TMEM232: variants seen among roughly 807,000 people sequenced by gnomAD.
The protein encoded by TMEM232 is transmembrane protein 232.
Under a neutral mutation model 78.8 loss-of-function variants are expected in TMEM232, and 80 were observed. That is an observed-to-expected ratio of 1.01 (90% CI 0.85 to 1.22). The LOEUF (loss-of-function observed/expected upper bound fraction) is 1.22. Ranked by LOEUF, TMEM232 falls within the 50% of genes most tolerant of loss-of-function variation. The pLI, the probability that TMEM232 is intolerant of heterozygous loss-of-function variation, is 0.00. For synonymous variants in TMEM232, 297 were observed against 254.3 expected (o/e 1.17, Z -1.60); for missense variants, 881 against 742.2 (o/e 1.19, Z -2.17).
intron 11 of TMEM232, among the ~76,000 whole-genome samples, chr5:110,534,167 A>G (rs1408998313): frequency 1.3e-5 from 2 of 152,172 alleles, no homozygotes; most frequent in African/African-American, 2.4e-5. Context: ...GAAGGCCACC[A>G]CAGTCATTTC....
chr5:110,487,242 C>T (rs1432653523), intron 12 of TMEM232, among the ~76,000 whole-genome samples: 1 of 151,986 alleles, frequency 6.6e-6, no homozygotes, highest in Admixed American at 6.6e-5. Flanking sequence ...GGTAAATGAT[C>T]ATATCTTCAG....
At chr5:110,702,238 T>C (rs759304426) in intron 1 of TMEM232, among the ~76,000 whole-genome samples, 6 of 152,044 alleles carry the variant, frequency 3.9e-5, no homozygotes, top group Non-Finnish European at 5.9e-5. Flanking sequence ...TTTTTTCTCA[T>C]GAGAGCCACG....
chr5:110,554,298 T>C (rs961970015), intron 11 of TMEM232, among the ~76,000 whole-genome samples: 1 of 152,148 alleles, frequency 6.6e-6, no homozygotes, highest in African/African-American at 2.4e-5. Context: ...AGACTACATC[T>C]TTCTCCTGTG....
intron 12 of TMEM232, among the ~76,000 whole-genome samples, chr5:110,493,177 A>T (rs1177771155): frequency 1.3e-5 from 2 of 151,986 alleles, no homozygotes; most frequent in African/African-American, 4.8e-5. Flanking sequence ...ACTTTTTAAA[A>T]AATTTATTTT....
At chr5:110,526,025 C>CAAAAAAAAAAA (rs758110596) in intron 12 of TMEM232, among the ~76,000 whole-genome samples, 1 of 47,808 alleles carries the variant, frequency 2.1e-5, no homozygotes, top group African/African-American at 8.4e-5. Flanking sequence ...CACCATACAC[C>CAAAAAAAAAAA]AAAAAAAAAA....
chr5:110,565,320 A>C (rs776719576), intron 11 of TMEM232, among the ~76,000 whole-genome samples: 3 of 151,952 alleles, frequency 2.0e-5, no homozygotes, highest in Non-Finnish European at 1.5e-5. Context: ...AAGCCTATGC[A>C]TTAGATACTA....
At chr5:110,729,402 A>C (rs1016885755), upstream of TMEM232, among the ~76,000 whole-genome samples, 2 of 152,144 alleles carry the variant, frequency 1.3e-5, no homozygotes, top group Non-Finnish European at 2.9e-5. Flanking sequence ...ACACCAGGTA[A>C]ATGCTTACTC....
At chr5:110,663,765 GTGTGTGTGTA>G (rs1472593313) in intron 2 of TMEM232, among the ~76,000 whole-genome samples, 123 of 151,524 alleles carry the variant, frequency 8.1e-4, no homozygotes, top group African/African-American at 2.6e-3. Context: ...GTGTGTGTGT[GTGTGTGTGTA>G]TATACAATAT....
chr5:110,478,896 G>C lies in TMEM232; in HGVS notation c.1703+49692C>G, dbSNP rs529077582. On this transcript the variant is annotated intron_variant, in intron 12 of 13. Transcript: ENST00000455884. ...TTGATTATGAGCAGATGGAGAAATT[G>C]ATTTTTTTTTTTTTTTTTTTTTTTG... 3.3e-3 allele frequency among the ~76,000 whole-genome samples: 383 copies of C among 115,588 alleles called. 5 individuals carry two copies. The highest frequency in any genetic ancestry group is 0.015 in the African/African-American group (365 of 23,708). The allele number at this position is 115,588 out of a possible 152,430, so 75.8% of individuals were successfully genotyped here.
At chr5:110,665,684 AGAT>A (rs1315785137) in intron 2 of TMEM232, among the ~76,000 whole-genome samples, 1 of 152,110 alleles carries the variant, frequency 6.6e-6, no homozygotes, top group Admixed American at 6.6e-5. Context: ...TTATAATTCA[AGAT>A]GATATTTGAA....
chr5:110,495,987 T>G (rs1316953968), intron 12 of TMEM232, among the ~76,000 whole-genome samples: 2 of 151,936 alleles, frequency 1.3e-5, no homozygotes, highest in East Asian at 3.9e-4. Flanking sequence ...GCATTATTAT[T>G]ATTACTTTTT....
intron 2 of TMEM232, among the ~76,000 whole-genome samples, chr5:110,406,673 G>A (rs751889975): frequency 1.3e-5 from 2 of 152,004 alleles, no homozygotes; most frequent in Non-Finnish European, 2.9e-5. Context: ...TTAAGTACAT[G>A]AGCAAACCCA....
At chr5:110,620,318 T>G (rs1462642143) in intron 7 of TMEM232, among the ~76,000 whole-genome samples, 1 of 152,186 alleles carries the variant, frequency 6.6e-6, no homozygotes, top group East Asian at 1.9e-4. Flanking sequence ...ACAATATTAC[T>G]CTGAGACCAT....
At chr5:110,518,211 C>T (rs186335214) in intron 12 of TMEM232, among the ~76,000 whole-genome samples, 3 of 151,998 alleles carry the variant, frequency 2.0e-5, no homozygotes, top group South Asian at 2.1e-4. Context: ...GGCTTTTTAT[C>T]ATCATCTGTA....
At chr5:110,534,324 T>C (rs796440706) in intron 11 of TMEM232, among the ~76,000 whole-genome samples, 6 of 152,278 alleles carry the variant, frequency 3.9e-5, no homozygotes, top group African/African-American at 1.4e-4. Flanking sequence ...CAGTCCTCAG[T>C]CTTCAAGAAA....
At chr5:110,661,926 T>A (rs759353262) in intron 2 of TMEM232, among the ~76,000 whole-genome samples, 1 of 152,190 alleles carries the variant, frequency 6.6e-6, no homozygotes, top group Non-Finnish European at 1.5e-5. Context: ...ATATATCTGT[T>A]GGCCATTTGT....
At chr5:110,542,260 T>C (rs932057266) in intron 11 of TMEM232, among the ~76,000 whole-genome samples, 1 of 152,228 alleles carries the variant, frequency 6.6e-6, no homozygotes, top group African/African-American at 2.4e-5. Context: ...GTATTTTTTA[T>C]AGTTCATTGC....
At chr5:110,398,743 C>T (rs1484972751) in intron 2 of TMEM232, among the ~76,000 whole-genome samples, 1 of 152,096 alleles carries the variant, frequency 6.6e-6, no homozygotes, top group Non-Finnish European at 1.5e-5. Context: ...CCTCAGATTT[C>T]TTAATACAAA....
At chr5:110,563,599 A>G (rs1775997229) in intron 11 of TMEM232, among the ~76,000 whole-genome samples, 1 of 151,962 alleles carries the variant, frequency 6.6e-6, no homozygotes, top group South Asian at 2.1e-4. Flanking sequence ...TTCAAAAATT[A>G]GGCTGTAATT....
Sources: gnomAD v4.1 joint callset for allele counts (sites outside exome capture counted in the v4.1 genomes callset) on GRCh38, gnomAD v4.1.1 for gene constraint, MANE v1.5 for transcripts, NCBI Gene and HGNC (gene_info 2026-07-23, HGNC 2026-07-21) for gene names.